The following WNT9A variants were observed in gnomAD, a reference collection of about 807,000 sequenced individuals.
The protein encoded by WNT9A is Wnt family member 9A.
WNT9A carries 8 observed loss-of-function variants against 31.4 expected under a neutral mutation model. The ratio of observed to expected loss-of-function variants is 0.26; its 90% CI spans 0.15 to 0.46. The LOEUF (loss-of-function observed/expected upper bound fraction) is 0.46, where lower values mean the gene tolerates loss of function less well. WNT9A is among the 20% of genes least tolerant of loss of function. The pLI, the probability that WNT9A is intolerant of heterozygous loss-of-function variation, is 0.99. For synonymous variants in WNT9A, 236 were observed against 220.1 expected (o/e 1.07, Z -0.64); for missense variants, 457 against 522.9 (o/e 0.87, Z 1.23).
rs1472409620 is a variant in WNT9A, at chr1:227,926,952, C to T, written c.96-1433G>A. 6.6e-6 allele frequency among the ~76,000 whole-genome samples: 1 copy of T among 152,120 alleles called. No homozygotes were observed. Among genetic ancestry groups the T allele is most frequent in the Non-Finnish European group, 1.5e-5 (1 of 68,012 alleles). On this transcript the variant is annotated intron_variant, in intron 1 of 3. Coordinates refer to ENST00000272164, the MANE Select transcript of WNT9A (RefSeq NM_003395.4). The surrounding 1 kb of genome is among the most constrained non-coding windows in gnomAD (Gnocchi z 5.0). ...TACTGAGGGGCACCTGCCTCCAGGG[C>T]CACAGGCGCAGGCCACAGAAGGAGC... is the stretch of plus-strand genomic sequence containing the variant.
intron 1 of WNT9A, among the ~76,000 whole-genome samples, chr1:227,946,448 GGCCCTCCCTCCT>G (rs1666794143): frequency 6.6e-6 from 1 of 152,208 alleles, no homozygotes; most frequent in Non-Finnish European, 1.5e-5. Context: ...GCGGACCTGT[GGCCCTCCCTCCT>G]GCCCTCCCGG....
chr1:227,933,336 G>A lies in WNT9A; in HGVS notation c.96-7817C>T, dbSNP rs570305026. 3.3e-5 allele frequency among the ~76,000 whole-genome samples: 5 copies of A among 152,290 alleles called. No individual in the cohort carries two copies. The East Asian group carries it at 9.6e-4, about 29-fold the overall frequency. On this transcript the variant is annotated intron_variant, in intron 1 of 3. Transcript: ENST00000272164. ...CTCAGCCTTCATAAAACTGAAGAGG[G>A]TTAGGGCCTTACTCTGAATTAGGCT...
chr1:227,935,686 C>T (rs569228984), intron 1 of WNT9A, among the ~76,000 whole-genome samples: 1 of 152,374 alleles, frequency 6.6e-6, no homozygotes, highest in South Asian at 2.1e-4. Flanking sequence ...CTCATCCTTT[C>T]TGTTGACCAT....
Position 227,947,785 on chromosome 1 carries a change from G to T in WNT9A, c.95+8C>A. 9.2e-7 allele frequency: 1 copy of T among 1,085,668 alleles called. No homozygotes were observed. The highest frequency in any genetic ancestry group is 1.1e-6 in the Non-Finnish European group (1 of 894,974). The allele number at this position is 1,085,668 out of a possible 1,614,324, so 67.3% of individuals were successfully genotyped here. A position where few individuals can be genotyped will look rare whatever the true frequency, so the allele number is the denominator to read the frequency against. Reference sequence around the variant, plus strand: ...CACCAGTGCGCGCCGGCCGCCGAAGGCACCTACCCGAAGTAGGCGGCCGAA... The same window carrying T: ...CACCAGTGCGCGCCGGCCGCCGAAGTCACCTACCCGAAGTAGGCGGCCGAA... On this transcript the variant is annotated splice_region_variant and intron_variant, in intron 1 of 3. Coordinates refer to ENST00000272164, the MANE Select transcript of WNT9A (RefSeq NM_003395.4).
chr1:227,925,586 C>T lies in WNT9A; in HGVS notation c.96-67G>A, dbSNP rs1030623201. ...CCTGCTGGAGCCTGGCCAGGTGTCT[C>T]GGTGGCCAGGGTACAGGGGACAGGC... On this transcript the variant is annotated intron_variant, in intron 1 of 3. Coordinates refer to ENST00000272164, the MANE Select transcript of WNT9A (RefSeq NM_003395.4). The surrounding 1 kb of genome is among the most constrained non-coding windows in gnomAD (Gnocchi z 6.0). The T allele has an allele frequency of 1.1e-5, 16 of 1,444,434 alleles. No homozygotes were observed. The highest frequency in any genetic ancestry group is 1.4e-5 in the Non-Finnish European group (15 of 1,102,164). The allele number at this position is 1,444,434 out of a possible 1,614,324, so 89.5% of individuals were successfully genotyped here. A position where few individuals can be genotyped will look rare whatever the true frequency, so the allele number is the denominator to read the frequency against.
At position 227,925,131 on chromosome 1, in the gene WNT9A, C is replaced by T; in HGVS notation, c.352+132G>A. On this transcript the variant is annotated intron_variant, in intron 2 of 3. Transcript: ENST00000272164. The surrounding 1 kb of genome is among the most constrained non-coding windows in gnomAD (Gnocchi z 6.0). Reference sequence around the variant, plus strand: ...GGGGCTGCCCTTTCCAGGGCCTAGGCCCAGGAGCTCTGGGCAGGCTGGGCC... The same window carrying T: ...GGGGCTGCCCTTTCCAGGGCCTAGGTCCAGGAGCTCTGGGCAGGCTGGGCC... The T allele has an allele frequency of 7.3e-7, 1 of 1,365,432 alleles. No individual in the cohort carries two copies. Among genetic ancestry groups the T allele is most frequent in the Non-Finnish European group, 9.6e-7 (1 of 1,045,042 alleles). The allele number at this position is 1,365,432 out of a possible 1,614,324, so 84.6% of individuals were successfully genotyped here.
chr1:227,942,012 T>C lies in WNT9A; in HGVS notation c.95+5781A>G, dbSNP rs1363726708. ...AGGAGGTATCCGTGCCTGTGTGCTC[T>C]TTCCTAGGGGAAGAGTCACCCACAC... On this transcript the variant is annotated intron_variant, in intron 1 of 3. Transcript: ENST00000272164. The surrounding 1 kb of genome is among the most constrained non-coding windows in gnomAD (Gnocchi z 5.7). Among the ~76,000 whole-genome samples, 8 of 152,014 alleles carry C rather than the reference T, an allele frequency of 5.3e-5. No individual in the cohort carries two copies. The highest frequency in any genetic ancestry group is 1.2e-4 in the Non-Finnish European group (8 of 67,980).
intron 1 of WNT9A, among the ~76,000 whole-genome samples, chr1:227,939,234 G>T (rs903990204): frequency 9.8e-5 from 15 of 152,344 alleles, no homozygotes; most frequent in African/African-American, 3.6e-4. Flanking sequence ...AACCACGGGG[G>T]AGGTGGCTCC....
At chr1:227,939,616 C>T (rs574702404) in intron 1 of WNT9A, among the ~76,000 whole-genome samples, 30 of 152,234 alleles carry the variant, frequency 2.0e-4, no homozygotes, top group Admixed American at 4.6e-4. Context: ...GGAAGTCCTA[C>T]GGAGGGAGCA....
Position 227,925,409 on chromosome 1 carries a change from C to T in WNT9A, c.206G>A (p.Arg69Gln), listed in dbSNP as rs1186380849. 18 of 1,606,682 alleles carry T rather than the reference C, an allele frequency of 1.1e-5. No individual in the cohort carries two copies. Among genetic ancestry groups the T allele is most frequent in the Admixed American group, 1.7e-5 (1 of 59,784 alleles). The change falls in exon 2 of 4, where the codon CGG becomes CAG. Residue 69 changes from arginine (R) to glutamine (Q), a missense_variant. Physicochemically the swap from Arg to Gln is conservative, Grantham distance 43 (BLOSUM62 1). Transcript: ENST00000272164. The surrounding 1 kb of genome is among the most constrained non-coding windows in gnomAD (Gnocchi z 6.0). ...GCCCGGGTCCCGGCGGCACATGCGCCGCTGCTTCCGCTCCAGCTTCAGCCG... is the reference window on the plus strand; with the variant it reads ...GCCCGGGTCCCGGCGGCACATGCGCTGCTGCTTCCGCTCCAGCTTCAGCCG... ...CDRLKLERKQ[R>Q]RMCRRDPGVA...
At chr1:227,927,799 C>T (rs1558260527) in intron 1 of WNT9A, among the ~76,000 whole-genome samples, 2 of 152,132 alleles carry the variant, frequency 1.3e-5, no homozygotes, top group Non-Finnish European at 2.9e-5. Flanking sequence ...AGCCACTGTC[C>T]CAGAAAACCC....
Position 227,938,412 on chromosome 1 carries a change from C to T in WNT9A, c.95+9381G>A, listed in dbSNP as rs114666835. On this transcript the variant is annotated intron_variant, in intron 1 of 3. Coordinates refer to ENST00000272164, the MANE Select transcript of WNT9A (RefSeq NM_003395.4). The stretch of plus-strand genomic sequence containing the variant: ...ACACAAACCCCCTCACACACACACA[C>T]ACAAACACACCCATACGAACCCATA... 2.2e-3 allele frequency among the ~76,000 whole-genome samples: 335 copies of T among 151,764 alleles called. 2 individuals carry two copies. The highest frequency in any genetic ancestry group is 7.7e-3 in the African/African-American group (316 of 41,254).
At position 227,941,087 on chromosome 1, in the gene WNT9A, G is replaced by A. The variant is rs139457544; in HGVS notation, c.95+6706C>T. Among the ~76,000 whole-genome samples, 15 of 152,352 alleles carry A rather than the reference G, an allele frequency of 9.8e-5. No homozygotes were observed. The East Asian group carries it at 1.5e-3, about 16-fold the overall frequency. ...CTATCGTCCACACACGGGAAGGTGC[G>A]GCAGCCTGGCAGCCAGGTCTGCACT... On this transcript the variant is annotated intron_variant, in intron 1 of 3. Transcript: ENST00000272164.
chr1:227,924,109 T>TTCCC, intron 3 of WNT9A, 29 bp downstream of exon 3: 29 of 1,105,224 alleles, frequency 2.6e-5, no homozygotes, highest in Non-Finnish European at 3.3e-5. Context: ...GACCCTCCCT[T>TTCCC]CCCACCCCGC....
Position 227,942,187 on chromosome 1 carries a change from C to G in WNT9A, c.95+5606G>C, listed in dbSNP as rs1052226573. Among the ~76,000 whole-genome samples, 4 of 152,286 alleles carry G rather than the reference C, an allele frequency of 2.6e-5. No individual in the cohort carries two copies. The highest frequency in any genetic ancestry group is 2.0e-4 in the Admixed American group (3 of 15,306). ...AGATGAGGCCAGCTGTCTCCCCAAC[C>G]AGACGTCCGCCGGCTGTGGACAGGA... is the stretch of plus-strand genomic sequence containing the variant. On this transcript the variant is annotated intron_variant, in intron 1 of 3. Transcript: ENST00000272164. The surrounding 1 kb of genome is among the most constrained non-coding windows in gnomAD (Gnocchi z 5.7).
intron 1 of WNT9A, among the ~76,000 whole-genome samples, chr1:227,943,193 C>G (rs952579175): frequency 2.0e-5 from 3 of 152,176 alleles, no homozygotes; most frequent in African/African-American, 7.2e-5. Context: ...TTGAGAGTCC[C>G]CTGAGCACCC....
At position 227,928,434 on chromosome 1, in the gene WNT9A, C is replaced by G. The variant is rs367656249; in HGVS notation, c.96-2915G>C. 2.0e-5 allele frequency among the ~76,000 whole-genome samples: 3 copies of G among 152,202 alleles called. 1 individual carries two copies. Among genetic ancestry groups the G allele is most frequent in the African/African-American group, 7.2e-5 (3 of 41,454 alleles). The stretch of plus-strand genomic sequence containing the variant: ...GGGATGGCCTGAGGCCCAAAGGCTA[C>G]GCCCTTCCCTGGAGTATTCACTGAA... On this transcript the variant is annotated intron_variant, in intron 1 of 3. Transcript: ENST00000272164. This position sits in a 1 kb window ranked among gnomAD's most constrained non-coding sequence, Gnocchi z 4.5.
intron 1 of WNT9A, among the ~76,000 whole-genome samples, chr1:227,939,920 G>A (rs997306745): frequency 2.0e-5 from 3 of 152,226 alleles, no homozygotes; most frequent in Admixed American, 6.5e-5. Flanking sequence ...GCCCAAGCAC[G>A]TCTGCTGTGT....
intron 1 of WNT9A, among the ~76,000 whole-genome samples, chr1:227,939,973 A>T (rs1666664908): frequency 6.6e-6 from 1 of 152,182 alleles, no homozygotes; most frequent in East Asian, 1.9e-4. Context: ...TGCACCCAGG[A>T]GGTGGGGCAC....
Sources: allele counts gnomAD v4.1 joint callset (sites outside exome capture counted in the v4.1 genomes callset), GRCh38; gene constraint gnomAD v4.1.1; non-coding constraint Gnocchi (gnomAD v3.1); transcripts MANE v1.5; gene names NCBI Gene and HGNC (gene_info 2026-07-23, HGNC 2026-07-21).